ARHGEF38: variants seen among roughly 807,000 people sequenced by gnomAD.
ARHGEF38 encodes Rho guanine nucleotide exchange factor 38.
A neutral mutation model predicts 79.9 loss-of-function variants in ARHGEF38; 79 were observed. The ratio of observed to expected loss-of-function variants is 0.99; its 90% CI spans 0.82 to 1.19. The LOEUF is 1.19. Among genes scored for constraint, ARHGEF38 ranks in the 50% most tolerant of loss-of-function variants. The probability of loss-of-function intolerance (pLI) is 0.00; values close to 1 mark genes in which losing one functional copy is unlikely to be tolerated. For missense variants in ARHGEF38, 962 were observed against 907.2 expected, an observed-to-expected ratio of 1.06 and a Z score of -0.78; for synonymous variants, 366 against 328.3, an observed-to-expected ratio of 1.11 and a Z score of -1.24.
intron 4 of ARHGEF38, among the ~76,000 whole-genome samples, chr4:105,631,978 T>A (rs528091276): frequency 6.6e-6 from 1 of 152,260 alleles, no homozygotes; most frequent in Admixed American, 6.5e-5. Context: ...CGTCTGATCC[T>A]GTAGCACACC....
intron 1 of ARHGEF38, among the ~76,000 whole-genome samples, chr4:105,557,986 T>C (rs920636609): frequency 2.0e-5 from 3 of 152,150 alleles, no homozygotes; most frequent in African/African-American, 7.2e-5. Flanking sequence ...CCACTGCCGG[T>C]AACACAAGGC....
intron 2 of ARHGEF38, among the ~76,000 whole-genome samples, chr4:105,602,434 A>C (rs1354067416): frequency 6.6e-6 from 1 of 152,178 alleles, no homozygotes; most frequent in Non-Finnish European, 1.5e-5. Flanking sequence ...TGAAGTTATT[A>C]GTAAGCTGAT....
rs777770654 is a variant in ARHGEF38, at chr4:105,680,325, GCTTA to G, written c.*2392_*2395del. 168 of 287,488 alleles carry G rather than the reference GCTTA, an allele frequency of 5.8e-4. 1 individual carries two copies. Among genetic ancestry groups the G allele is most frequent in the African/African-American group, 3.3e-3 (149 of 45,752 alleles). The allele number at this position is 287,488 out of a possible 1,614,324, so 17.8% of individuals were successfully genotyped here. On this transcript the variant is annotated 3_prime_UTR_variant, in exon 14 of 14. Coordinates refer to ENST00000420470, the MANE Select transcript of ARHGEF38 (RefSeq NM_001242729.2). ...GGGATTAAAATGTACAATCCTAAAA[GCTTA>G]CTTGTTAGCACACTTGCTTATCTGT... is the stretch of plus-strand genomic sequence containing the variant.
At chr4:105,583,907 T>C (rs1431870337) in intron 1 of ARHGEF38, among the ~76,000 whole-genome samples, 1 of 152,228 alleles carries the variant, frequency 6.6e-6, no homozygotes, top group African/African-American at 2.4e-5. Flanking sequence ...AATCATTTTA[T>C]TGATGTCTCT....
At chr4:105,600,053 A>T (rs1037972184) in intron 2 of ARHGEF38, among the ~76,000 whole-genome samples, 3 of 152,186 alleles carry the variant, frequency 2.0e-5, no homozygotes, top group Non-Finnish European at 2.9e-5. Context: ...TTCATGAAGA[A>T]TGTGATATTT....
At chr4:105,579,195 T>G (rs531031849) in intron 1 of ARHGEF38, among the ~76,000 whole-genome samples, 44 of 152,156 alleles carry the variant, frequency 2.9e-4, no homozygotes, top group African/African-American at 1.1e-3. Context: ...CAAACAGGAA[T>G]ACTTTCACTA....
chr4:105,592,655 T>C (rs1469750380), intron 2 of ARHGEF38, among the ~76,000 whole-genome samples: 7 of 152,204 alleles, frequency 4.6e-5, no homozygotes, highest in Admixed American at 4.6e-4. Flanking sequence ...ATAAAATTCA[T>C]GACCACTTTC....
At chr4:105,675,528 T>C (rs73837092) in intron 13 of ARHGEF38, among the ~76,000 whole-genome samples, 10,118 of 152,280 alleles carry the variant, frequency 0.066, 345 homozygotes, top group Middle Eastern at 0.11. Context: ...TATCCATGCC[T>C]TTCAATAAAT....
chr4:105,592,469 C>T (rs907112487), intron 2 of ARHGEF38, among the ~76,000 whole-genome samples: 8 of 151,964 alleles, frequency 5.3e-5, no homozygotes, highest in African/African-American at 1.9e-4. Context: ...CTCTCTTCAT[C>T]GGGCCCAAAG....
chr4:105,586,332 G>A (rs1378358320), intron 1 of ARHGEF38, among the ~76,000 whole-genome samples: 2 of 151,542 alleles, frequency 1.3e-5, no homozygotes, highest in African/African-American at 4.9e-5. Context: ...AGCAAACAAA[G>A]ATATCTCATA....
At chr4:105,658,039 C>A (rs527495313) in intron 9 of ARHGEF38, among the ~76,000 whole-genome samples, 10 of 152,192 alleles carry the variant, frequency 6.6e-5, no homozygotes, top group African/African-American at 1.4e-4. Context: ...CTAGGATGAT[C>A]AGGTTATGTC....
At chr4:105,610,850 A>G (rs1728263674) in intron 2 of ARHGEF38, among the ~76,000 whole-genome samples, 1 of 152,146 alleles carries the variant, frequency 6.6e-6, no homozygotes, top group Admixed American at 6.6e-5. Flanking sequence ...AATCTAAATT[A>G]AACAGATATA....
At chr4:105,573,239 A>G (rs1032989673) in intron 1 of ARHGEF38, among the ~76,000 whole-genome samples, 1 of 152,152 alleles carries the variant, frequency 6.6e-6, no homozygotes, top group Admixed American at 6.5e-5. Context: ...TAAAATTTTC[A>G]TAAGTCCAAC....
rs1375661919 is a variant in ARHGEF38 at position 105,572,615 on chromosome 4, CT to C, written c.197-16632del. The stretch of plus-strand genomic sequence containing the variant: ...CTATGATTTCGACTATTCTAAGTAC[CT>C]CATACAAGTGGGATCATATGTATTT... On this transcript the variant is annotated intron_variant, in intron 1 of 13. Coordinates refer to ENST00000420470, the MANE Select transcript of ARHGEF38 (RefSeq NM_001242729.2). Among the ~76,000 whole-genome samples, 10 of 152,160 alleles carry C rather than the reference CT, an allele frequency of 6.6e-5. No homozygotes were observed. The East Asian group carries it at 1.7e-3, about 26-fold the overall frequency.
At chr4:105,617,207 T>C (rs1728546271) in intron 3 of ARHGEF38, among the ~76,000 whole-genome samples, 1 of 152,218 alleles carries the variant, frequency 6.6e-6, no homozygotes, top group Non-Finnish European at 1.5e-5. Context: ...ATAAATGCTG[T>C]CACTTTAACT....
At chr4:105,666,341 GACAATGATA>G in intron 11 of ARHGEF38, 21 bp downstream of exon 11, 1 of 1,503,978 alleles carries the variant, frequency 6.6e-7, no homozygotes, top group Non-Finnish European at 8.8e-7. Flanking sequence ...CAGCATTCAT[GACAATGATA>G]ACTTTCACCT....
intron 2 of ARHGEF38, among the ~76,000 whole-genome samples, chr4:105,606,785 A>C (rs1019312768): frequency 3.3e-5 from 5 of 152,118 alleles, no homozygotes; most frequent in African/African-American, 4.8e-5. Flanking sequence ...TGAAGTATAT[A>C]ATTTTTTGTA....
chr4:105,639,846 A>G (rs1469369250), intron 5 of ARHGEF38, among the ~76,000 whole-genome samples: 1 of 152,026 alleles, frequency 6.6e-6, no homozygotes, highest in Non-Finnish European at 1.5e-5. Flanking sequence ...TTTTTTGAGT[A>G]TTCTTGCATA....
Position 105,648,666 on chromosome 4 carries a change from C to G in ARHGEF38, c.992C>G (p.Thr331Ser). The G allele has an allele frequency of 6.6e-7, 1 of 1,523,092 alleles. No homozygotes were observed. Among genetic ancestry groups the G allele is most frequent in the Non-Finnish European group, 8.8e-7 (1 of 1,142,468 alleles). The allele number at this position is 1,523,092 out of a possible 1,614,324, so 94.3% of individuals were successfully genotyped here. Residue 331 changes from threonine to serine, a missense_variant, in exon 7 of 14, where the codon ACC (threonine) becomes AGC (serine). By Grantham distance (58) the Thr-to-Ser change is moderately conservative (BLOSUM62 1). Transcript: ENST00000420470. ...GTGACAAATCATCTGAAGATTCTGA[C>G]CAGAGGAGAATCACAGGTAATTTTT... Reference protein sequence around the residue: ...KRVTNHLKILTRGESQVKDNT... With the variant: ...KRVTNHLKILSRGESQVKDNT...
Sources: allele counts gnomAD v4.1 joint callset (sites outside exome capture counted in the v4.1 genomes callset), GRCh38; gene constraint gnomAD v4.1.1; transcripts MANE v1.5; gene names NCBI Gene and HGNC (gene_info 2026-07-23, HGNC 2026-07-21).